GALNT13: variants seen among roughly 807,000 people sequenced by gnomAD.
The protein encoded by GALNT13 is UDP-GalNAc:polypeptide N-acetylgalactosaminyltransferase 13.
Under a neutral mutation model 64.2 loss-of-function variants are expected in GALNT13, and 28 were observed. That is an observed-to-expected ratio of 0.44 (90% CI 0.32 to 0.60). GALNT13 has a LOEUF of 0.60. Among genes scored for constraint, GALNT13 ranks in the 20% least tolerant of loss-of-function variants. GALNT13 has a pLI of 0.05. For missense variants in GALNT13, 577 were observed against 669.8 expected (o/e 0.86, Z 1.53); for synonymous variants, 214 against 224.6 (o/e 0.95, Z 0.42).
the GALNT13 span, among the ~76,000 whole-genome samples, chr2:153,084,541 C>A: frequency 7.2e-5 from 11 of 152,262 alleles, no homozygotes; most frequent in Non-Finnish European, 1.0e-4. Flanking sequence ...ATGTCAAGGG[C>A]AGGGCCAGGT....
intron 3 of GALNT13, among the ~76,000 whole-genome samples, chr2:154,127,167 T>C (rs1337524127): frequency 6.6e-6 from 1 of 152,120 alleles, no homozygotes; most frequent in East Asian, 1.9e-4. Context: ...ATATTAGAGT[T>C]TTCCCTCCCC....
intron 3 of GALNT13, among the ~76,000 whole-genome samples, chr2:153,947,945 C>A (rs1281536221): frequency 6.6e-6 from 1 of 152,056 alleles, no homozygotes; most frequent in Non-Finnish European, 1.5e-5. Flanking sequence ...GGAATCCTTT[C>A]CCCATTGCTT....
At position 154,317,528 on chromosome 2, in the gene GALNT13, A is replaced by T. The variant is rs374152222; in HGVS notation, c.1156+15939A>T. Among the ~76,000 whole-genome samples the T allele has an allele frequency of 1.6e-4, 25 of 152,322 alleles. 1 individual carries two copies. In the East Asian group the frequency reaches 1.9e-3, roughly 12 times the overall value. On this transcript the variant is annotated intron_variant, in intron 9 of 12. Transcript: ENST00000392825. ...TAAAATTCTACCATCATAGAAACTT[A>T]TATATCAATGAATAAAATCACATTA... is the stretch of plus-strand genomic sequence containing the variant.
the GALNT13 span, among the ~76,000 whole-genome samples, chr2:153,441,121 T>C: frequency 1.6e-4 from 24 of 152,350 alleles, 1 homozygote; most frequent in East Asian, 4.6e-3. Flanking sequence ...AGTTAATTTT[T>C]GTATGAGGTG....
chr2:154,284,008 T>G (rs1186589397), intron 8 of GALNT13, among the ~76,000 whole-genome samples: 1 of 152,216 alleles, frequency 6.6e-6, no homozygotes, highest in Non-Finnish European at 1.5e-5. Context: ...TAACACATAA[T>G]AACTGTGTAT....
intron 4 of GALNT13, among the ~76,000 whole-genome samples, chr2:154,190,281 A>G (rs1247253746): frequency 1.3e-5 from 2 of 152,234 alleles, no homozygotes; most frequent in Non-Finnish European, 1.5e-5. Context: ...GACCCAACCA[A>G]TTGTTGCTAG....
intron 3 of GALNT13, among the ~76,000 whole-genome samples, chr2:154,070,559 A>G (rs1394685404): frequency 1.3e-5 from 2 of 152,142 alleles, no homozygotes; most frequent in Non-Finnish European, 2.9e-5. Flanking sequence ...AAAAAGAAAA[A>G]TAATAAAATG....
At chr2:153,432,577 C>T in the GALNT13 span, among the ~76,000 whole-genome samples, 1 of 152,100 alleles carries the variant, frequency 6.6e-6, no homozygotes, top group African/African-American at 2.4e-5. Flanking sequence ...ACTTGGGTTT[C>T]AAGTTTCACC....
the GALNT13 span, among the ~76,000 whole-genome samples, chr2:153,255,570 A>G: frequency 6.7e-6 from 1 of 149,902 alleles, no homozygotes; most frequent in African/African-American, 2.4e-5. Flanking sequence ...AGTCTCGATC[A>G]TTACGTTTTG....
chr2:153,995,705 T>C (rs950027385), intron 3 of GALNT13, among the ~76,000 whole-genome samples: 17 of 152,128 alleles, frequency 1.1e-4, no homozygotes, highest in Non-Finnish European at 2.5e-4. Flanking sequence ...CTAGCTACCT[T>C]GAAATATGCA....
At chr2:154,370,749 A>G (rs1697638789) in intron 9 of GALNT13, among the ~76,000 whole-genome samples, 1 of 152,176 alleles carries the variant, frequency 6.6e-6, no homozygotes, top group African/African-American at 2.4e-5. Context: ...GAGTTAAATC[A>G]GGCTTAGTGT....
the GALNT13 span, among the ~76,000 whole-genome samples, chr2:153,220,439 T>C: frequency 6.6e-6 from 1 of 152,126 alleles, no homozygotes; most frequent in Non-Finnish European, 1.5e-5. Context: ...GGCCATTCCA[T>C]TGGAAAGGGG....
the GALNT13 span, among the ~76,000 whole-genome samples, chr2:153,114,620 A>G: frequency 1.3e-5 from 2 of 152,168 alleles, no homozygotes; most frequent in African/African-American, 4.8e-5. Flanking sequence ...TTGACAACTC[A>G]GTGTAGGAAG....
the GALNT13 span, among the ~76,000 whole-genome samples, chr2:153,187,821 A>T: frequency 6.6e-6 from 1 of 152,178 alleles, no homozygotes; most frequent in East Asian, 1.9e-4. Context: ...TGGAGCTGGG[A>T]TACAAAATTC....
At chr2:153,470,896 T>C in the GALNT13 span, among the ~76,000 whole-genome samples, 1 of 152,104 alleles carries the variant, frequency 6.6e-6, no homozygotes, top group African/African-American at 2.4e-5. Flanking sequence ...GTGGGGGAAA[T>C]GAATAAAACA....
chr2:153,450,205 A>G, the GALNT13 span, among the ~76,000 whole-genome samples: 1 of 152,176 alleles, frequency 6.6e-6, no homozygotes, highest in Non-Finnish European at 1.5e-5. Context: ...ATTTTCTACT[A>G]AAGTCTTCCT....
chr2:154,293,830 T>C (rs568372893), intron 8 of GALNT13, among the ~76,000 whole-genome samples: 13 of 152,344 alleles, frequency 8.5e-5, no homozygotes, highest in Admixed American at 2.6e-4. Context: ...TTGAGTTCTT[T>C]CTGCTTTAAC....
the GALNT13 span, among the ~76,000 whole-genome samples, chr2:153,190,475 G>C: frequency 6.6e-6 from 1 of 151,970 alleles, no homozygotes; most frequent in Admixed American, 6.6e-5. Flanking sequence ...TGTTGTTTTG[G>C]TTAATAAAGA....
At chr2:153,951,972 C>T (rs1274363702) in intron 3 of GALNT13, among the ~76,000 whole-genome samples, 1 of 151,850 alleles carries the variant, frequency 6.6e-6, no homozygotes, top group Admixed American at 6.6e-5. Flanking sequence ...AGATACAGAC[C>T]CATGAATGCT....
Sources: gnomAD v4.1 joint callset for allele counts (sites outside exome capture counted in the v4.1 genomes callset) on GRCh38, gnomAD v4.1.1 for gene constraint, MANE v1.5 for transcripts, NCBI Gene and HGNC (gene_info 2026-07-23, HGNC 2026-07-21) for gene names.